Variants in PDE1A observed in about 807,000 individuals in gnomAD.
The protein encoded by PDE1A is phosphodiesterase 1A, also known as dual specificity calcium/calmodulin-dependent 3',5'-cyclic nucleotide phosphodiesterase 1A.
In PDE1A, 35 loss-of-function variants were observed where a neutral mutation model predicts 61.7. That is an observed-to-expected ratio of 0.57 (90% CI 0.43 to 0.75). The LOEUF (loss-of-function observed/expected upper bound fraction) is 0.75. PDE1A is among the 30% of genes least tolerant of loss of function. The pLI is 0.00. For missense variants in PDE1A, 597 were observed against 630.6 expected, an observed-to-expected ratio of 0.95 and a Z score of 0.57; for synonymous variants, 232 against 213.2, an observed-to-expected ratio of 1.09 and a Z score of -0.77.
intron 6 of PDE1A, among the ~76,000 whole-genome samples, chr2:182,226,922 G>A (rs1034980320): frequency 6.6e-6 from 1 of 151,820 alleles, no homozygotes; most frequent in Admixed American, 6.6e-5. Flanking sequence ...AACATTAACT[G>A]GACACTTTAG....
intron 5 of PDE1A, among the ~76,000 whole-genome samples, chr2:182,230,734 T>C (rs1689512771): frequency 6.6e-6 from 1 of 152,184 alleles, no homozygotes; most frequent in African/African-American, 2.4e-5. Context: ...AAGACATAGC[T>C]GCCAAACCCT....
chr2:182,318,426 C>T (rs1040173901), intron 1 of PDE1A, among the ~76,000 whole-genome samples: 10 of 152,124 alleles, frequency 6.6e-5, no homozygotes, highest in Admixed American at 6.6e-4. Context: ...ATGATTCCTG[C>T]CATTTGTCAT....
intron 1 of PDE1A, among the ~76,000 whole-genome samples, chr2:182,334,694 C>T (rs909566653): frequency 5.3e-5 from 8 of 152,128 alleles, no homozygotes; most frequent in South Asian, 4.1e-4. Flanking sequence ...AAGCTGGAAG[C>T]GTTCCCTTTC....
chr2:182,197,447 ATG>A (rs1686228317), intron 10 of PDE1A, among the ~76,000 whole-genome samples: 2 of 142,776 alleles, frequency 1.4e-5, no homozygotes, highest in African/African-American at 5.2e-5. Flanking sequence ...GTAATGCTTT[ATG>A]TGTCTTCTCT....
At chr2:182,342,674 C>T (rs1698270209) in intron 1 of PDE1A, among the ~76,000 whole-genome samples, 1 of 152,198 alleles carries the variant, frequency 6.6e-6, no homozygotes, top group African/African-American at 2.4e-5. Context: ...CAAAGCGAGA[C>T]TCCGTCTCAA....
intron 1 of PDE1A, among the ~76,000 whole-genome samples, chr2:182,357,433 A>G (rs1021757322): frequency 1.3e-5 from 2 of 152,092 alleles, no homozygotes; most frequent in Admixed American, 6.6e-5. Context: ...ATGTATAGGG[A>G]AAAGCTTAAA....
chr2:182,381,919 T>C (rs1006818342), intron 1 of PDE1A, among the ~76,000 whole-genome samples: 3 of 152,062 alleles, frequency 2.0e-5, no homozygotes, highest in African/African-American at 4.8e-5. Flanking sequence ...TACTGAAACA[T>C]AGTCATTGTT....
intron 1 of PDE1A, among the ~76,000 whole-genome samples, chr2:182,351,659 C>T (rs181299523): frequency 8.5e-5 from 13 of 152,280 alleles, no homozygotes; most frequent in African/African-American, 2.9e-4. Flanking sequence ...CAAGTGTCAG[C>T]GTTGGCACTT....
At chr2:182,418,179 T>C (rs1703038655) in intron 1 of PDE1A, among the ~76,000 whole-genome samples, 1 of 152,170 alleles carries the variant, frequency 6.6e-6, no homozygotes, top group Non-Finnish European at 1.5e-5. Flanking sequence ...GTATTTGGAA[T>C]GGAATTGCCC....
intron 1 of PDE1A, among the ~76,000 whole-genome samples, chr2:182,317,766 T>C (rs1696437652): frequency 6.6e-6 from 1 of 152,056 alleles, no homozygotes. Flanking sequence ...AATTGATTCT[T>C]GAGTATGCTT....
intron 2 of PDE1A, among the ~76,000 whole-genome samples, chr2:182,476,007 A>T (rs1006370499): frequency 6.6e-6 from 1 of 151,868 alleles, no homozygotes; most frequent in African/African-American, 2.4e-5. Context: ...AAATGTTTAA[A>T]TTTTTTCTCC....
At chr2:182,482,451 A>T (rs910151691) in intron 2 of PDE1A, among the ~76,000 whole-genome samples, 1 of 151,948 alleles carries the variant, frequency 6.6e-6, no homozygotes, top group African/African-American at 2.4e-5. Flanking sequence ...ATTTTACCAA[A>T]TTCAAAATGT....
chr2:182,299,231 C>G (rs1421402922), intron 1 of PDE1A, among the ~76,000 whole-genome samples: 2 of 151,590 alleles, frequency 1.3e-5, no homozygotes, highest in Non-Finnish European at 2.9e-5. Context: ...AAATGGAGGC[C>G]TGGCCCAAGT....
chr2:182,444,487 T>C (rs988470935), intron 2 of PDE1A, among the ~76,000 whole-genome samples: 1 of 152,174 alleles, frequency 6.6e-6, no homozygotes, highest in Non-Finnish European at 1.5e-5. Flanking sequence ...TTGTATTCCA[T>C]ACATTTCTTT....
chr2:182,491,971 G>A (rs13036034), intron 2 of PDE1A, among the ~76,000 whole-genome samples: 40,961 of 151,920 alleles, frequency 0.27, 6,943 homozygotes, highest in Middle Eastern at 0.39. Flanking sequence ...GCATATGTTC[G>A]GCCCATTAAA....
chr2:182,530,541 C>A, the PDE1A span, among the ~76,000 whole-genome samples: 23 of 152,080 alleles, frequency 1.5e-4, no homozygotes, highest in Non-Finnish European at 3.4e-4. Flanking sequence ...GAGAAAAATT[C>A]TTACCTATAG....
intron 11 of PDE1A, 39 bp downstream of exon 11, chr2:182,188,940 A>G (rs1226665947): frequency 7.3e-7 from 1 of 1,361,170 alleles, no homozygotes; most frequent in Non-Finnish European, 1.1e-6. Flanking sequence ...ACTGACAAGC[A>G]CACACTCACT....
chr2:182,316,971 TG>T (rs1425899425), intron 1 of PDE1A, among the ~76,000 whole-genome samples: 2 of 152,316 alleles, frequency 1.3e-5, no homozygotes, highest in Non-Finnish European at 2.9e-5. Context: ...GTATTTTCAT[TG>T]TTCTTCCTCT....
chr2:182,680,573 A>G, the PDE1A span, among the ~76,000 whole-genome samples: 274 of 152,332 alleles, frequency 1.8e-3, 2 homozygotes, highest in African/African-American at 6.3e-3. Flanking sequence ...CTTAAAAAAG[A>G]CCTGAAATTT....
Sources: allele counts gnomAD v4.1 joint callset (sites outside exome capture counted in the v4.1 genomes callset), GRCh38; gene constraint gnomAD v4.1.1; transcripts MANE v1.5; gene names NCBI Gene and HGNC (gene_info 2026-07-23, HGNC 2026-07-21).